KIRREL3: variants seen among roughly 807,000 people sequenced by gnomAD.
The protein encoded by KIRREL3 is kirre like nephrin family adhesion molecule 3.
In KIRREL3, 36 loss-of-function variants were observed where a neutral mutation model predicts 89.7. That is an observed-to-expected ratio of 0.40 (90% CI 0.31 to 0.53). The LOEUF (loss-of-function observed/expected upper bound fraction) is 0.53. KIRREL3 is among the 20% of genes least tolerant of loss of function. KIRREL3 has a pLI of 0.49. For synonymous variants in KIRREL3, 445 were observed against 441.4 expected (o/e 1.01, Z -0.10); for missense variants, 864 against 1,056.6 (o/e 0.82, Z 2.53).
chr11:126,480,247 A>G (rs1158016102), intron 4 of KIRREL3, among the ~76,000 whole-genome samples: 4 of 152,226 alleles, frequency 2.6e-5, no homozygotes, highest in African/African-American at 4.8e-5. Flanking sequence ...AAAAATACCT[A>G]TCTTGCAGGG....
chr11:126,887,395 T>C (rs1013582647), intron 1 of KIRREL3, among the ~76,000 whole-genome samples: 2 of 152,174 alleles, frequency 1.3e-5, no homozygotes, highest in Non-Finnish European at 2.9e-5. Context: ...TTACTGATTA[T>C]GGTCATGGTC....
chr11:126,842,410 T>A (rs1344704579), intron 1 of KIRREL3, among the ~76,000 whole-genome samples: 1 of 152,230 alleles, frequency 6.6e-6, no homozygotes, highest in Non-Finnish European at 1.5e-5. Flanking sequence ...AATCCTCTTC[T>A]ATCTACTCTG....
intron 2 of KIRREL3, among the ~76,000 whole-genome samples, chr11:126,545,499 G>A (rs1452795772): frequency 2.6e-5 from 4 of 152,082 alleles, no homozygotes; most frequent in South Asian, 4.1e-4. Context: ...GGCCAGGCAC[G>A]GTGGCCCACG....
At chr11:126,549,470 G>C (rs1939083382) in intron 2 of KIRREL3, 1 of 152,144 alleles carries the variant, frequency 6.6e-6, no homozygotes, top group Non-Finnish European at 1.5e-5. Context: ...AAAAGCCCTG[G>C]ATAATTCATC....
chr11:126,727,987 C>T (rs548994491), intron 1 of KIRREL3, among the ~76,000 whole-genome samples: 21 of 151,892 alleles, frequency 1.4e-4, no homozygotes, highest in East Asian at 1.2e-3. Flanking sequence ...GCATTTCTCC[C>T]GCAGCCCCAC....
intron 16 of KIRREL3, 127 bp from the exon 17 acceptor site, chr11:126,425,150 C>A: frequency 1.2e-6 from 1 of 862,732 alleles, no homozygotes; most frequent in Admixed American, 2.9e-5. Flanking sequence ...AGGGAGCAAC[C>A]TGGTAGGGAG....
At position 126,627,624 on chromosome 11, in the gene KIRREL3, C is replaced by G. The variant is rs891479051; in HGVS notation, c.56-64712G>C. ...AATTAACATGTCTTGTCAGGTCCAG[C>G]GGTTGGCTTTAGTAAATATGCCTCA... On this transcript the variant is annotated intron_variant, in intron 1 of 16. Coordinates refer to ENST00000525144, the MANE Select transcript of KIRREL3 (RefSeq NM_032531.4). The surrounding 1 kb of genome is among the most constrained non-coding windows in gnomAD (Gnocchi z 5.0). Among the ~76,000 whole-genome samples, 2 of 152,184 alleles carry G rather than the reference C, an allele frequency of 1.3e-5. No individual in the cohort carries two copies. The highest frequency in any genetic ancestry group is 2.9e-5 in the Non-Finnish European group (2 of 68,036).
chr11:126,767,783 A>C (rs1949875541), intron 1 of KIRREL3, among the ~76,000 whole-genome samples: 1 of 152,248 alleles, frequency 6.6e-6, no homozygotes, highest in Non-Finnish European at 1.5e-5. Context: ...AACCCAGCAA[A>C]ATAATGGACA....
rs999498972 is a variant in KIRREL3, at chr11:126,526,136, G to A, written c.283+402C>T. On this transcript the variant is annotated intron_variant, in intron 3 of 16. Coordinates refer to ENST00000525144, the MANE Select transcript of KIRREL3 (RefSeq NM_032531.4). The surrounding 1 kb of genome is among the most constrained non-coding windows in gnomAD (Gnocchi z 5.7). ...TTCCCTTTAATGGGTGAGAAGCCTG[G>A]AAGAACCAGGTTGTGACTTGTATTT... Among the ~76,000 whole-genome samples, 1 of 152,192 alleles carries A rather than the reference G, an allele frequency of 6.6e-6. No individual in the cohort carries two copies. Among genetic ancestry groups the A allele is most frequent in the Admixed American group, 6.5e-5 (1 of 15,288 alleles).
chr11:126,727,573 C>T (rs914030685), intron 1 of KIRREL3, among the ~76,000 whole-genome samples: 2 of 152,198 alleles, frequency 1.3e-5, no homozygotes, highest in Admixed American at 6.5e-5. Flanking sequence ...AGGCATTTCC[C>T]TGCTACATGG....
intron 1 of KIRREL3, among the ~76,000 whole-genome samples, chr11:126,588,892 G>A (rs1941999722): frequency 2.0e-5 from 3 of 152,166 alleles, no homozygotes; most frequent in African/African-American, 2.4e-5. Flanking sequence ...AGGTGGCGGT[G>A]GTGGGGGGAC....
intron 16 of KIRREL3, 142 bp from the exon 17 acceptor site, chr11:126,425,165 C>T: frequency 1.4e-6 from 1 of 718,642 alleles, no homozygotes; most frequent in East Asian, 2.7e-5. Flanking sequence ...AGGGAGCAAA[C>T]TCAGGGGTGA....
Position 126,579,300 on chromosome 11 carries a change from C to T in KIRREL3, c.56-16388G>A, listed in dbSNP as rs1445919548. Among the ~76,000 whole-genome samples, 1 of 152,136 alleles carries T rather than the reference C, an allele frequency of 6.6e-6. No homozygotes were observed. Among genetic ancestry groups the T allele is most frequent in the African/African-American group, 2.4e-5 (1 of 41,424 alleles). Reference sequence around the variant, plus strand: ...GTATAAAATCCAATTTCTTAAATTGCATCCAGGGCCAAGGGGTGCAAGCTG... The same window carrying T: ...GTATAAAATCCAATTTCTTAAATTGTATCCAGGGCCAAGGGGTGCAAGCTG... On this transcript the variant is annotated intron_variant, in intron 1 of 16. Transcript: ENST00000525144. The surrounding 1 kb of genome is among the most constrained non-coding windows in gnomAD (Gnocchi z 5.3).
In KIRREL3 at chr11:126,601,818, C is replaced by T. The variant is rs1591802238; in HGVS notation, c.56-38906G>A. Among the ~76,000 whole-genome samples, 1 of 152,190 alleles carries T rather than the reference C, an allele frequency of 6.6e-6. No individual in the cohort carries two copies. Among genetic ancestry groups the T allele is most frequent in the South Asian group, 2.1e-4 (1 of 4,830 alleles). On this transcript the variant is annotated intron_variant, in intron 1 of 16. Coordinates refer to ENST00000525144, the MANE Select transcript of KIRREL3 (RefSeq NM_032531.4). This position sits in a 1 kb window ranked among gnomAD's most constrained non-coding sequence, Gnocchi z 5.8. ...TCCATTTCTAGGAGCTCCATTCCCT[C>T]GTGCCATCTCCCGTTTTTAAGGACT... is the stretch of plus-strand genomic sequence containing the variant.
rs1782124400 is a variant in KIRREL3 at position 126,609,440 on chromosome 11, G to A, written c.56-46528C>T. 6.6e-6 allele frequency among the ~76,000 whole-genome samples: 1 copy of A among 152,164 alleles called. No individual in the cohort carries two copies. The highest frequency in any genetic ancestry group is 2.4e-5 in the African/African-American group (1 of 41,424). ...CAGAGTTATTCCTGCCTCGGGACAT[G>A]TATGAGGACGGTCTCCTTTGCAGCC... On this transcript the variant is annotated intron_variant, in intron 1 of 16. Transcript: ENST00000525144. The surrounding 1 kb of genome is among the most constrained non-coding windows in gnomAD (Gnocchi z 5.0).
intron 2 of KIRREL3, among the ~76,000 whole-genome samples, chr11:126,540,651 G>A (rs921216757): frequency 2.0e-5 from 3 of 152,208 alleles, no homozygotes; most frequent in Admixed American, 1.3e-4. Flanking sequence ...TGGATGCCAC[G>A]AAGACACTGA....
In KIRREL3 at chr11:126,755,505, GCT is replaced by G. The variant is rs756216567; in HGVS notation, c.56-192595_56-192594del. Among the ~76,000 whole-genome samples the G allele has an allele frequency of 1.1e-4, 17 of 152,062 alleles. No individual in the cohort carries two copies. The East Asian group carries it at 2.9e-3, about 26-fold the overall frequency. On this transcript the variant is annotated intron_variant, in intron 1 of 16. Transcript: ENST00000525144. This position sits in a 1 kb window ranked among gnomAD's most constrained non-coding sequence, Gnocchi z 4.3. The stretch of plus-strand genomic sequence containing the variant: ...CTGGATAAAGCCACCTCTTCCCATT[GCT>G]CTCTTTAAAAAAGACACACACCAGA...
chr11:126,447,395 G>C (rs917921376), intron 8 of KIRREL3, among the ~76,000 whole-genome samples: 1 of 152,202 alleles, frequency 6.6e-6, no homozygotes, highest in Non-Finnish European at 1.5e-5. Context: ...AGTGACTGGT[G>C]CACCTCTGGG....
intron 1 of KIRREL3, among the ~76,000 whole-genome samples, chr11:126,921,967 C>CTA (rs569066065): frequency 1.6e-4 from 9 of 54,848 alleles, no homozygotes; most frequent in African/African-American, 4.3e-4. Flanking sequence ...ATATCTATAT[C>CTA]TATCTATCTA....
Sources: allele counts gnomAD v4.1 joint callset (sites outside exome capture counted in the v4.1 genomes callset), GRCh38; gene constraint gnomAD v4.1.1; non-coding constraint Gnocchi (gnomAD v3.1); transcripts MANE v1.5; gene names NCBI Gene and HGNC (gene_info 2026-07-23, HGNC 2026-07-21).